Variants in TNKS observed in about 807,000 individuals in gnomAD.
TNKS encodes poly [ADP-ribose] polymerase tankyrase-1.
A neutral mutation model predicts 135.8 loss-of-function variants in TNKS; 72 were observed. That is an observed-to-expected ratio of 0.53 (90% CI 0.44 to 0.64). The LOEUF (loss-of-function observed/expected upper bound fraction) is 0.64, where lower values mean the gene tolerates loss of function less well. Among genes scored for constraint, TNKS ranks in the 30% least tolerant of loss-of-function variants. The probability of loss-of-function intolerance (pLI) is 0.00; values close to 1 mark genes in which losing one functional copy is unlikely to be tolerated. For synonymous variants in TNKS, 849 were observed against 649.3 expected (o/e 1.31, Z -4.68); for missense variants, 1,769 against 1,674.0 (o/e 1.06, Z -0.99).
intron 5 of TNKS, among the ~76,000 whole-genome samples, chr8:9,694,447 A>G (rs1348705553): frequency 1.3e-5 from 2 of 152,112 alleles, no homozygotes; most frequent in African/African-American, 4.8e-5. Flanking sequence ...TGTTTTCAGG[A>G]CCAGTCTTTT....
In TNKS at chr8:9,754,576, C is replaced by T. The variant is rs372899351; in HGVS notation, c.3153+1950C>T. 2.3e-4 allele frequency among the ~76,000 whole-genome samples: 35 copies of T among 151,944 alleles called. 1 individual carries two copies. Among genetic ancestry groups the T allele is most frequent in the African/African-American group, 7.7e-4 (32 of 41,436 alleles). Reference sequence around the variant, plus strand: ...TAATGCTCTTAATGATAAGAACAGCCGAGTAGGGATAGCACTGGACTAAAA... The same window carrying T: ...TAATGCTCTTAATGATAAGAACAGCTGAGTAGGGATAGCACTGGACTAAAA... On this transcript the variant is annotated intron_variant, in intron 20 of 26. Transcript: ENST00000310430.
intron 1 of TNKS, among the ~76,000 whole-genome samples, chr8:9,561,322 T>G (rs1365016949): frequency 6.6e-6 from 1 of 152,230 alleles, no homozygotes; most frequent in African/African-American, 2.4e-5. Flanking sequence ...CTTATGACTT[T>G]CCTTATAGAA....
chr8:9,666,333 T>G (rs1047339862), intron 3 of TNKS, among the ~76,000 whole-genome samples: 4 of 152,262 alleles, frequency 2.6e-5, no homozygotes, highest in Non-Finnish European at 5.9e-5. Flanking sequence ...ATATTTCTAC[T>G]GGACAGCACT....
intron 2 of TNKS, among the ~76,000 whole-genome samples, chr8:9,608,856 C>T (rs919510046): frequency 6.6e-6 from 1 of 152,178 alleles, no homozygotes; most frequent in Non-Finnish European, 1.5e-5. Flanking sequence ...TCTCTTCTTT[C>T]AGGGATCACT....
At chr8:9,710,875 G>C (rs979757081) in intron 11 of TNKS, among the ~76,000 whole-genome samples, 3 of 152,080 alleles carry the variant, frequency 2.0e-5, no homozygotes, top group African/African-American at 7.2e-5. Flanking sequence ...CAGCCTGGGA[G>C]ACAGAGTGAG....
Position 9,675,786 on chromosome 8 carries a change from T to G in TNKS, c.995-4165T>G, listed in dbSNP as rs1293341214. On this transcript the variant is annotated intron_variant, in intron 3 of 26. Transcript: ENST00000310430. ...TCACATTTTAGCCTAGTGCAGGGCC[T>G]GACAGATAATGGATAATACTTAGTG... 2.0e-5 allele frequency among the ~76,000 whole-genome samples: 3 copies of G among 152,146 alleles called. No individual in the cohort carries two copies. The East Asian group carries it at 5.8e-4, about 29-fold the overall frequency.
chr8:9,759,694 G>C (rs755626146), intron 20 of TNKS, among the ~76,000 whole-genome samples: 6 of 152,142 alleles, frequency 3.9e-5, no homozygotes, highest in Non-Finnish European at 7.3e-5. Context: ...TCTGACGAGG[G>C]CCAGGCGCGG....
intron 22 of TNKS, 125 bp from the exon 23 acceptor site, chr8:9,764,591 C>T (rs1237674985): frequency 3.7e-6 from 2 of 543,380 alleles, no homozygotes; most frequent in African/African-American, 2.0e-5. Flanking sequence ...AATACTTATC[C>T]ACTAAACTTG....
At chr8:9,619,637 G>A (rs2128767045) in intron 3 of TNKS, among the ~76,000 whole-genome samples, 1 of 152,268 alleles carries the variant, frequency 6.6e-6, no homozygotes, top group South Asian at 2.1e-4. Context: ...TTGCACTTCT[G>A]TGGAAATCCA....
chr8:9,745,601 C>T (rs574461120), intron 17 of TNKS, among the ~76,000 whole-genome samples: 5 of 152,140 alleles, frequency 3.3e-5, no homozygotes, highest in East Asian at 1.9e-4. Flanking sequence ...GATGGGGTTT[C>T]GCCATGTTGG....
chr8:9,564,370 A>G (rs1013756821), intron 1 of TNKS, among the ~76,000 whole-genome samples: 3 of 151,940 alleles, frequency 2.0e-5, no homozygotes, highest in African/African-American at 7.2e-5. Flanking sequence ...GAGCATAAAT[A>G]TGTTAAAAAA....
At chr8:9,658,923 G>A (rs1801560109) in intron 3 of TNKS, among the ~76,000 whole-genome samples, 1 of 152,144 alleles carries the variant, frequency 6.6e-6, no homozygotes, top group Non-Finnish European at 1.5e-5. Context: ...AAAAAAGGCA[G>A]GGGTTGCAAT....
At chr8:9,627,196 A>C (rs1463642163) in intron 3 of TNKS, among the ~76,000 whole-genome samples, 1 of 152,188 alleles carries the variant, frequency 6.6e-6, no homozygotes, top group Non-Finnish European at 1.5e-5. Flanking sequence ...CAGGGATGGC[A>C]TGGAAGCGCC....
intron 3 of TNKS, among the ~76,000 whole-genome samples, chr8:9,638,345 G>C (rs980395777): frequency 6.6e-6 from 1 of 152,156 alleles, no homozygotes; most frequent in African/African-American, 2.4e-5. Context: ...TTTCTCATTA[G>C]TTAAAGTATA....
chr8:9,716,646 C>T (rs1172152303), intron 11 of TNKS, among the ~76,000 whole-genome samples: 1 of 152,058 alleles, frequency 6.6e-6, no homozygotes, highest in Non-Finnish European at 1.5e-5. Flanking sequence ...GGCTGCCGTT[C>T]TCTATGTCTC....
intron 2 of TNKS, among the ~76,000 whole-genome samples, chr8:9,590,488 T>A (rs986498096): frequency 1.3e-5 from 2 of 152,210 alleles, no homozygotes; most frequent in Non-Finnish European, 2.9e-5. Context: ...TACATTTACT[T>A]GTTTGTTTGC....
intron 26 of TNKS, among the ~76,000 whole-genome samples, chr8:9,773,117 A>G (rs1029375499): frequency 1.3e-5 from 2 of 151,916 alleles, no homozygotes; most frequent in African/African-American, 4.8e-5. Context: ...CTAGAAAAGA[A>G]GCTTTTTTTT....
At chr8:9,754,933 G>A (rs1044746577) in intron 20 of TNKS, among the ~76,000 whole-genome samples, 3 of 152,196 alleles carry the variant, frequency 2.0e-5, no homozygotes, top group Non-Finnish European at 4.4e-5. Context: ...AACTGAAGGT[G>A]TGAAAGCTGA....
intron 5 of TNKS, among the ~76,000 whole-genome samples, chr8:9,691,515 C>T (rs534675730): frequency 6.6e-6 from 1 of 152,268 alleles, no homozygotes; most frequent in Admixed American, 6.5e-5. Flanking sequence ...CCTGAGCCCC[C>T]ACACAAAGGA....
Sources: gnomAD v4.1 joint callset for allele counts (sites outside exome capture counted in the v4.1 genomes callset) on GRCh38, gnomAD v4.1.1 for gene constraint, MANE v1.5 for transcripts, NCBI Gene and HGNC (gene_info 2026-07-23, HGNC 2026-07-21) for gene names.